ICA1L: variants seen among roughly 807,000 people sequenced by gnomAD.
ICA1L encodes the protein islet cell autoantigen 1-like protein.
In ICA1L, 50 loss-of-function variants were observed where a neutral mutation model predicts 61.3. The observed-to-expected ratio is 0.82, with a 90% confidence interval of 0.65 to 1.03. The LOEUF (loss-of-function observed/expected upper bound fraction) is 1.03. Ranked by LOEUF, ICA1L falls within the 50% of genes least tolerant of loss-of-function variation. The pLI is 0.00. For synonymous variants in ICA1L, 161 were observed against 191.3 expected (o/e 0.84, Z 1.31); for missense variants, 508 against 556.7 (o/e 0.91, Z 0.88).
In ICA1L at chr2:202,849,984, T is replaced by G. The variant is rs1694571955; in HGVS notation, c.-7-20968A>C. Among the ~76,000 whole-genome samples, 1 of 152,194 alleles carries G rather than the reference T, an allele frequency of 6.6e-6. No homozygotes were observed. Among genetic ancestry groups the G allele is most frequent in the East Asian group, 1.9e-4 (1 of 5,202 alleles). On this transcript the variant is annotated intron_variant, in intron 1 of 12. Coordinates refer to ENST00000358299, the MANE Select transcript of ICA1L (RefSeq NM_001288622.3). This position sits in a 1 kb window ranked among gnomAD's most constrained non-coding sequence, Gnocchi z 4.5. ...GCAATCGTTGCTGTTCTGTAGCCTC[T>G]GCTGGTGATACCCAGGCAAACAGGT...
At chr2:202,787,063 T>C (rs1237404458) in intron 11 of ICA1L, among the ~76,000 whole-genome samples, 1 of 152,210 alleles carries the variant, frequency 6.6e-6, no homozygotes, top group African/African-American at 2.4e-5. Context: ...CTCCCTTTCC[T>C]GGTCTGTACC....
chr2:202,825,880 TTA>T (rs1693830337), intron 2 of ICA1L, 113 bp from the exon 3 acceptor site: 1 of 577,156 alleles, frequency 1.7e-6, no homozygotes. Flanking sequence ...TTTAAAAACA[TTA>T]TGTCTATTTT....
In ICA1L at chr2:202,788,760, A is replaced by G; in HGVS notation, c.1243+70T>C. The G allele has an allele frequency of 8.6e-6, 13 of 1,519,256 alleles. No homozygotes were observed. In the South Asian group the frequency reaches 1.2e-4, roughly 14 times the overall value. The allele number at this position is 1,519,256 out of a possible 1,614,324, so 94.1% of individuals were successfully genotyped here. A position where few individuals can be genotyped will look rare whatever the true frequency, so the allele number is the denominator to read the frequency against. On this transcript the variant is annotated intron_variant, in intron 11 of 12. Transcript: ENST00000358299. ...AATCTGCTTGTTGGTTCTAGCATCA[A>G]TAAGCACACCATTTTGCTTCACAAA...
intron 1 of ICA1L, among the ~76,000 whole-genome samples, chr2:202,864,984 A>C (rs1003954018): frequency 6.6e-6 from 1 of 151,626 alleles, no homozygotes; most frequent in African/African-American, 2.4e-5. Flanking sequence ...GCCAACAGAG[A>C]AACCCTGCCT....
chr2:202,816,973 G>A (rs968315596), intron 6 of ICA1L, among the ~76,000 whole-genome samples: 4 of 152,182 alleles, frequency 2.6e-5, no homozygotes, highest in African/African-American at 9.7e-5. Flanking sequence ...TGGTTTCTAA[G>A]CCAACATTGC....
intron 10 of ICA1L, among the ~76,000 whole-genome samples, chr2:202,789,978 A>T (rs1330193061): frequency 3.3e-5 from 5 of 152,206 alleles, no homozygotes; most frequent in Non-Finnish European, 7.3e-5. Flanking sequence ...ATGATAAGGA[A>T]GTCCCCTCTG....
chr2:202,863,183 T>G (rs920176222), intron 1 of ICA1L, among the ~76,000 whole-genome samples: 1 of 151,886 alleles, frequency 6.6e-6, no homozygotes, highest in African/African-American at 2.4e-5. Flanking sequence ...TCCCAGCTAC[T>G]TGGGAGGCTG....
chr2:202,847,358 T>C (rs1694490944), intron 1 of ICA1L, among the ~76,000 whole-genome samples: 1 of 152,180 alleles, frequency 6.6e-6, no homozygotes, highest in African/African-American at 2.4e-5. Flanking sequence ...GAATCTGAAA[T>C]GATCAAGAAC....
chr2:202,841,598 C>G, intron 1 of ICA1L: 1 of 671,490 alleles, frequency 1.5e-6, no homozygotes, highest in South Asian at 1.4e-5. Context: ...TCCCATGCCA[C>G]TGGCCCCACC....
chr2:202,847,519 T>C (rs1206248374), intron 1 of ICA1L, among the ~76,000 whole-genome samples: 1 of 152,084 alleles, frequency 6.6e-6, no homozygotes, highest in Admixed American at 6.6e-5. Context: ...CATTAATCTC[T>C]CTTTTAGTTT....
At chr2:202,847,444 G>C (rs959906348) in intron 1 of ICA1L, among the ~76,000 whole-genome samples, 2 of 152,060 alleles carry the variant, frequency 1.3e-5, no homozygotes, top group African/African-American at 2.4e-5. Flanking sequence ...TGGGTCTCTA[G>C]TCAGACTGTC....
chr2:202,837,161 T>C (rs1031867103), intron 1 of ICA1L, among the ~76,000 whole-genome samples: 5 of 151,876 alleles, frequency 3.3e-5, no homozygotes, highest in Non-Finnish European at 5.9e-5. Context: ...TTTTTTATAG[T>C]AGTCTATGAT....
At chr2:202,820,290 G>A (rs1171535894) in intron 4 of ICA1L, among the ~76,000 whole-genome samples, 5 of 151,712 alleles carry the variant, frequency 3.3e-5, no homozygotes, top group Non-Finnish European at 5.9e-5. Flanking sequence ...CAGGAGAATC[G>A]CTTGAACCCG....
chr2:202,783,915 GGAA>G (rs1347633654), intron 12 of ICA1L, among the ~76,000 whole-genome samples: 2 of 150,868 alleles, frequency 1.3e-5, no homozygotes, highest in Non-Finnish European at 2.9e-5. Flanking sequence ...GGGGGGGTGG[GGAA>G]GAAAGAGGAT....
chr2:202,865,587 C>T (rs1481322732), intron 1 of ICA1L, among the ~76,000 whole-genome samples: 1 of 152,076 alleles, frequency 6.6e-6, no homozygotes. Flanking sequence ...ACTGCTCACA[C>T]CACTTCCACA....
intron 1 of ICA1L, among the ~76,000 whole-genome samples, chr2:202,867,934 AT>A (rs1687567749): frequency 6.6e-6 from 1 of 152,226 alleles, no homozygotes; most frequent in African/African-American, 2.4e-5. Context: ...ATGGCCAAAA[AT>A]TAGAATATCT....
intron 6 of ICA1L, among the ~76,000 whole-genome samples, chr2:202,816,756 G>C (rs1180144755): frequency 6.6e-6 from 1 of 152,134 alleles, no homozygotes; most frequent in Non-Finnish European, 1.5e-5. Flanking sequence ...CTTTTCTTAT[G>C]TAAGTACAGT....
intron 1 of ICA1L, among the ~76,000 whole-genome samples, chr2:202,854,305 G>A (rs148442156): frequency 0.089 from 13,541 of 151,876 alleles, 742 homozygotes; most frequent in Non-Finnish European, 0.12. Flanking sequence ...AGGGCATTAC[G>A]TAATGGTAAA....
At chr2:202,811,588 G>C (rs919935861) in intron 9 of ICA1L, among the ~76,000 whole-genome samples, 158 bp downstream of exon 9, 1 of 150,734 alleles carries the variant, frequency 6.6e-6, no homozygotes, top group Non-Finnish European at 1.5e-5. Context: ...CATGAACCTG[G>C]GAGGCAGAGC....
Sources: gnomAD v4.1 joint callset for allele counts (sites outside exome capture counted in the v4.1 genomes callset) on GRCh38, gnomAD v4.1.1 for gene constraint, Gnocchi (gnomAD v3.1) non-coding constraint, MANE v1.5 for transcripts, NCBI Gene and HGNC (gene_info 2026-07-23, HGNC 2026-07-21) for gene names.